REXO5: variants seen among roughly 807,000 people sequenced by gnomAD.
REXO5 encodes the protein RNA exonuclease 5.
A neutral mutation model predicts 88.5 loss-of-function variants in REXO5; 48 were observed. That is an observed-to-expected ratio of 0.54 (90% confidence interval 0.43 to 0.69). The LOEUF is 0.69. Ranked by LOEUF, REXO5 falls within the 30% of genes least tolerant of loss-of-function variation. The pLI is 0.00. For missense variants in REXO5, 749 were observed against 912.2 expected, an observed-to-expected ratio of 0.82 and a Z score of 2.30; for synonymous variants, 311 against 336.5, an observed-to-expected ratio of 0.92 and a Z score of 0.83.
chr16:20,818,048 C>A (rs1477171105), intron 5 of REXO5, among the ~76,000 whole-genome samples: 2 of 152,086 alleles, frequency 1.3e-5, no homozygotes, highest in Non-Finnish European at 2.9e-5. Context: ...GCTCCCTATC[C>A]CCAAACTGTC....
chr16:20,826,350 T>G (rs2081260367), intron 8 of REXO5, among the ~76,000 whole-genome samples: 1 of 152,234 alleles, frequency 6.6e-6, no homozygotes, highest in Non-Finnish European at 1.5e-5. Context: ...ACAAATATTT[T>G]TCATAACAGA....
chr16:20,835,869 G>A (rs940613748), intron 13 of REXO5, among the ~76,000 whole-genome samples: 5 of 151,976 alleles, frequency 3.3e-5, no homozygotes, highest in East Asian at 1.9e-4. Context: ...GCAACATGGC[G>A]AAACACTGTC....
chr16:20,827,493 C>A, intron 10 of REXO5, 46 bp downstream of exon 10: 1 of 1,385,406 alleles, frequency 7.2e-7, no homozygotes, highest in Non-Finnish European at 1.0e-6. Flanking sequence ...AAACTGCATA[C>A]AAGTTAGCAT....
chr16:20,827,418 G>A lies in REXO5; in HGVS notation c.1026G>A (p.Lys342=). The A allele has an allele frequency of 1.9e-6, 3 of 1,613,406 alleles. No individual in the cohort carries two copies. The highest frequency in any genetic ancestry group is 2.5e-6 in the Non-Finnish European group (3 of 1,179,792). ...TCAGAGAGCAGGGCAGAAGATTTAA[G>A]CTCAAGTTCTTAGCCAAAGTTATTT... ...LYVREQGRRF[K]LKFLAKVILG... is the part of the protein sequence containing the mutation. Residue 342 remains lysine (K), a synonymous_variant, in exon 10 of 20, where the codon AAG becomes AAA. Coordinates refer to ENST00000261377, the MANE Select transcript of REXO5 (RefSeq NM_030941.3).
In REXO5 at chr16:20,832,153, A is replaced by C. The variant is rs1215595907; in HGVS notation, c.1159-3A>C. 2.5e-6 allele frequency: 4 copies of C among 1,587,732 alleles called. No individual in the cohort carries two copies. In the African/African-American group the frequency reaches 5.4e-5, roughly 21 times the overall value. ...ATATTTTTACCACTTTGTTTTCTTC[A>C]AGATTGCAGAACTAAATCTAGAAGC... On this transcript the variant is annotated splice_region_variant and splice_polypyrimidine_tract_variant and intron_variant, in intron 11 of 19. Coordinates refer to ENST00000261377, the MANE Select transcript of REXO5 (RefSeq NM_030941.3).
intron 5 of REXO5, among the ~76,000 whole-genome samples, chr16:20,818,485 T>C (rs1048577532): frequency 3.9e-5 from 6 of 152,236 alleles, no homozygotes; most frequent in Non-Finnish European, 8.8e-5. Flanking sequence ...CAACTTCTTT[T>C]TGAAACAGAG....
chr16:20,815,168 T>A, intron 4 of REXO5, 115 bp downstream of exon 4: 1 of 1,190,402 alleles, frequency 8.4e-7, no homozygotes, highest in Non-Finnish European at 1.1e-6. Flanking sequence ...GTAGGGGATA[T>A]AGAAAGCAAA....
intron 5 of REXO5, among the ~76,000 whole-genome samples, chr16:20,817,649 G>A (rs2081101283): frequency 6.6e-6 from 1 of 152,188 alleles, no homozygotes; most frequent in South Asian, 2.1e-4. Flanking sequence ...GAGCCAGAGA[G>A]GTTAGGGCAA....
chr16:20,824,689 G>C (rs1180443937), intron 7 of REXO5, among the ~76,000 whole-genome samples, 162 bp downstream of exon 7: 1 of 152,076 alleles, frequency 6.6e-6, no homozygotes, highest in African/African-American at 2.4e-5. Context: ...AGAAAACTTA[G>C]ATCTGTATTC....
At chr16:20,814,203 A>G (rs1248140387) in intron 3 of REXO5, among the ~76,000 whole-genome samples, 2 of 151,992 alleles carry the variant, frequency 1.3e-5, no homozygotes, top group African/African-American at 2.4e-5. Flanking sequence ...CTGTAGTTCA[A>G]TAGTCTTATT....
chr16:20,844,071 C>G, intron 16 of REXO5, 45 bp downstream of exon 16: 1 of 1,172,456 alleles, frequency 8.5e-7, no homozygotes, highest in East Asian at 2.3e-5. Context: ...TCTGGCCTAC[C>G]ACAGCCTGTA....
rs2152505450 is a variant in REXO5 at position 20,827,392 on chromosome 16, G to A, written c.1000G>A (p.Val334Ile). 1 of 1,613,764 alleles carries A rather than the reference G, an allele frequency of 6.2e-7. No individual in the cohort carries two copies. The highest frequency in any genetic ancestry group is 1.3e-5 in the African/African-American group (1 of 74,996). Residue 334 changes from valine (V) to isoleucine (I), a missense_variant, in exon 10 of 20, where the codon GTC becomes ATC. Physicochemically the swap from Val to Ile is conservative, Grantham distance 29 (BLOSUM62 3). Transcript: ENST00000261377. ...TGTTATTGATACATCGTTGCTTTAT[G>A]TCAGAGAGCAGGGCAGAAGATTTAA... is the stretch of plus-strand genomic sequence containing the variant. ...PYVIDTSLLY[V>I]REQGRRFKLK...
At chr16:20,827,024 C>T in intron 8 of REXO5, 34 bp from the exon 9 acceptor site, 2 of 1,610,766 alleles carry the variant, frequency 1.2e-6, no homozygotes, top group Non-Finnish European at 1.7e-6. Flanking sequence ...TTGTTAATAT[C>T]CTAGCCTGTC....
At chr16:20,827,306 T>C (rs767123988) in intron 9 of REXO5, 47 bp from the exon 10 acceptor site, 4 of 1,601,600 alleles carry the variant, frequency 2.5e-6, no homozygotes, top group Non-Finnish European at 3.4e-6. Flanking sequence ...CACTTGTTTT[T>C]TCCTTTAGCA....
At chr16:20,830,385 G>A (rs2285833) in intron 11 of REXO5, among the ~76,000 whole-genome samples, 19,787 of 150,408 alleles carry the variant, frequency 0.13, 1,358 homozygotes, top group East Asian at 0.21. Flanking sequence ...TATTAGAGAT[G>A]GGGTTTCACC....
rs541634651 is a variant in REXO5, at chr16:20,824,358, G to A, written c.617-81G>A. 13 of 735,738 alleles carry A rather than the reference G, an allele frequency of 1.8e-5. No homozygotes were observed. The Middle Eastern group carries it at 1.1e-3, about 63-fold the overall frequency. The allele number at this position is 735,738 out of a possible 1,614,324, so 45.6% of individuals were successfully genotyped here. On this transcript the variant is annotated intron_variant, in intron 6 of 19. Coordinates refer to ENST00000261377, the MANE Select transcript of REXO5 (RefSeq NM_030941.3). ...ATATCTGACTAAAATATCTAGTATT[G>A]TAGTTTTACCTGCTTGAATCTAAGA...
At position 20,828,448 on chromosome 16, in the gene REXO5, T is replaced by C. The variant is rs1461551862; in HGVS notation, c.1069T>C (p.Cys357Arg). The C allele has an allele frequency of 3.1e-6, 5 of 1,611,818 alleles. No individual in the cohort carries two copies. The Admixed American group carries it at 5.0e-5, about 16-fold the overall frequency. Residue 357 changes from cysteine (C) to arginine (R), a missense_variant, in exon 11 of 20, where the codon TGT becomes CGT. Transcript: ENST00000261377. The part of the protein sequence containing the change: ...AKVILGKDIQ[C>R]PDRLGHDATE... ...TTGACTTTCCAGGAAGGATATACAG[T>C]GTCCAGACAGACTTGGTCATGATGC...
At chr16:20,812,301 C>G (rs565155471) in intron 2 of REXO5, among the ~76,000 whole-genome samples, 12 of 152,166 alleles carry the variant, frequency 7.9e-5, no homozygotes, top group African/African-American at 2.9e-4. Flanking sequence ...GAGAGCAGAT[C>G]GCTTGAGCTC....
chr16:20,831,948 C>T (rs547815976), intron 11 of REXO5, among the ~76,000 whole-genome samples: 78 of 152,274 alleles, frequency 5.1e-4, no homozygotes, highest in African/African-American at 1.8e-3. Flanking sequence ...AACAGATTGC[C>T]GGTCTTGGCT....
Sources: gnomAD v4.1 joint callset for allele counts (sites outside exome capture counted in the v4.1 genomes callset) on GRCh38, gnomAD v4.1.1 for gene constraint, MANE v1.5 for transcripts, NCBI Gene and HGNC (gene_info 2026-07-23, HGNC 2026-07-21) for gene names.